The following PARD3B variants were observed in gnomAD, a reference collection of about 807,000 sequenced individuals.
PARD3B encodes the protein par-3 family cell polarity regulator beta.
PARD3B carries 103 observed loss-of-function variants against 130.2 expected under a neutral mutation model. That is an observed-to-expected ratio of 0.79 (90% CI 0.67 to 0.93). PARD3B has a LOEUF of 0.93. Ranked by LOEUF, PARD3B falls within the 40% of genes least tolerant of loss-of-function variation. The pLI is 0.00. For missense variants in PARD3B, 1,609 were observed against 1,499.2 expected, an observed-to-expected ratio of 1.07 and a Z score of -1.21; for synonymous variants, 583 against 553.2, an observed-to-expected ratio of 1.05 and a Z score of -0.76.
chr2:205,027,271 A>G (rs1697102466), intron 3 of PARD3B, among the ~76,000 whole-genome samples: 1 of 151,930 alleles, frequency 6.6e-6, no homozygotes, highest in Non-Finnish European at 1.5e-5. Flanking sequence ...GTATGAGGTG[A>G]TATCTCATTG....
rs956405001 is a variant in PARD3B, at chr2:205,187,446, G to A, written c.2024+1583G>A. Among the ~76,000 whole-genome samples, 5 of 152,194 alleles carry A rather than the reference G, an allele frequency of 3.3e-5. No individual in the cohort carries two copies. The highest frequency in any genetic ancestry group is 2.6e-4 in the Admixed American group (4 of 15,280). On this transcript the variant is annotated intron_variant, in intron 14 of 22. Transcript: ENST00000406610. The surrounding 1 kb of genome is among the most constrained non-coding windows in gnomAD (Gnocchi z 4.9). ...TGGGTTTTTTGTGTGTGTATAACAT[G>A]GATTGGGTGAATGGAAGAGGTTTGA...
intron 2 of PARD3B, among the ~76,000 whole-genome samples, chr2:204,725,072 G>A (rs1392769361): frequency 1.3e-5 from 2 of 152,150 alleles, no homozygotes; most frequent in African/African-American, 4.8e-5. Flanking sequence ...TGGAGAACAA[G>A]TTTAAAAATA....
At chr2:204,848,641 G>GTCTATCTATCTATCTA (rs112373204) in intron 2 of PARD3B, among the ~76,000 whole-genome samples, 24 of 148,452 alleles carry the variant, frequency 1.6e-4, no homozygotes, top group African/African-American at 5.5e-4. Context: ...GTGAGACTCT[G>GTCTATCTATCTATCTA]TCTATCTATC....
At chr2:204,905,608 T>C (rs539500627) in intron 2 of PARD3B, among the ~76,000 whole-genome samples, 11 of 152,090 alleles carry the variant, frequency 7.2e-5, no homozygotes, top group African/African-American at 1.2e-4. Context: ...CCCTCTTGAG[T>C]TTTTCCCTCT....
intron 2 of PARD3B, among the ~76,000 whole-genome samples, chr2:204,757,458 C>T (rs369813643): frequency 2.3e-4 from 35 of 152,172 alleles, no homozygotes; most frequent in African/African-American, 7.5e-4. Flanking sequence ...TTCTGACTAG[C>T]GTGAGATGGT....
rs2047687660 is a variant in PARD3B, at chr2:205,440,756, C to A, written c.3044+84C>A. On this transcript the variant is annotated intron_variant, in intron 20 of 22. Transcript: ENST00000406610. The surrounding 1 kb of genome is among the most constrained non-coding windows in gnomAD (Gnocchi z 4.2). Reference sequence around the variant, plus strand: ...TACTGCTGAAACCGATAAAAAATGTCTCCTTCAATCAATTAAAACTGAAAC... The same window carrying A: ...TACTGCTGAAACCGATAAAAAATGTATCCTTCAATCAATTAAAACTGAAAC... 7.3e-7 allele frequency: 1 copy of A among 1,367,684 alleles called. No individual in the cohort carries two copies. The highest frequency in any genetic ancestry group is 1.0e-6 in the Non-Finnish European group (1 of 999,204). 84.7% of individuals were successfully genotyped at this position (1,367,684 alleles called of 1,614,324 possible).
intron 19 of PARD3B, among the ~76,000 whole-genome samples, chr2:205,416,292 CT>C (rs2046772517): frequency 6.6e-6 from 1 of 152,112 alleles, no homozygotes; most frequent in African/African-American, 2.4e-5. Flanking sequence ...TTAATAGTGT[CT>C]GGTAATACCC....
At position 204,678,933 on chromosome 2, in the gene PARD3B, T is replaced by G. The variant is rs1056357214; in HGVS notation, c.121-7248T>G. ...ATAGAACATTGCCCTAGAAGCCGCTTCATGCCTCTTTCTACTCACCACCCT... is the reference window on the plus strand; with the variant it reads ...ATAGAACATTGCCCTAGAAGCCGCTGCATGCCTCTTTCTACTCACCACCCT... On this transcript the variant is annotated intron_variant, in intron 1 of 22. Transcript: ENST00000406610. The surrounding 1 kb of genome is among the most constrained non-coding windows in gnomAD (Gnocchi z 4.2). Among the ~76,000 whole-genome samples the G allele has an allele frequency of 1.3e-5, 2 of 152,178 alleles. No individual in the cohort carries two copies. The highest frequency in any genetic ancestry group is 4.8e-5 in the African/African-American group (2 of 41,444).
intron 2 of PARD3B, among the ~76,000 whole-genome samples, chr2:204,856,969 C>T (rs2044971846): frequency 6.6e-6 from 1 of 151,866 alleles, no homozygotes; most frequent in African/African-American, 2.4e-5. Flanking sequence ...TGTGTAATGC[C>T]TCCAGGTTTT....
At chr2:204,952,433 G>A (rs1166898765) in intron 2 of PARD3B, among the ~76,000 whole-genome samples, 4 of 152,122 alleles carry the variant, frequency 2.6e-5, no homozygotes, top group African/African-American at 9.7e-5. Flanking sequence ...ACTGGTTCCA[G>A]GTGAGTGCCT....
chr2:205,141,447 T>C (rs2032943722), intron 10 of PARD3B, among the ~76,000 whole-genome samples: 1 of 151,630 alleles, frequency 6.6e-6, no homozygotes, highest in South Asian at 2.1e-4. Context: ...GAAAAATTGC[T>C]TTTTTTGGTT....
Position 205,168,320 on chromosome 2 carries a change from A to AGAGAGAGAGAGTGT in PARD3B, c.1621-3890_1621-3889insAGAGAGAGAGTGTG, listed in dbSNP as rs371904121. 1.3e-3 allele frequency among the ~76,000 whole-genome samples: 155 copies of AGAGAGAGAGAGTGT among 119,742 alleles called. 1 individual carries two copies. Among genetic ancestry groups the AGAGAGAGAGAGTGT allele is most frequent in the East Asian group, 4.7e-3 (19 of 4,008 alleles). 78.6% of individuals were successfully genotyped at this position (119,742 alleles called of 152,430 possible). On this transcript the variant is annotated intron_variant, in intron 11 of 22. Transcript: ENST00000406610. ...GAGAGAGAGAGAGAGAGAGAGAGAG[A>AGAGAGAGAGAGTGT]GTGTGTGTGTGTGAATATTGCAAGC... is the stretch of plus-strand genomic sequence containing the variant.
rs370116638 is a variant in PARD3B, at chr2:205,444,825, G to A, written c.3044+4153G>A. ...ACAAAGATGTTTAGCAGATATCACA[G>A]ACATGAGGCTTTCAAATGCTTCAGA... On this transcript the variant is annotated intron_variant, in intron 20 of 22. Transcript: ENST00000406610. Among the ~76,000 whole-genome samples, 13 of 152,322 alleles carry A rather than the reference G, an allele frequency of 8.5e-5. No homozygotes were observed. In the East Asian group the frequency reaches 2.5e-3, roughly 29 times the overall value.
rs2055423647 is a variant in PARD3B at position 205,616,057 on chromosome 2, T to G, written c.*244T>G. 2.0e-6 allele frequency: 1 copy of G among 508,840 alleles called. No homozygotes were observed. Among genetic ancestry groups the G allele is most frequent in the Admixed American group, 3.7e-5 (1 of 27,054 alleles). 31.5% of individuals were successfully genotyped at this position (508,840 alleles called of 1,614,324 possible). On this transcript the variant is annotated 3_prime_UTR_variant, in exon 23 of 23. Coordinates refer to ENST00000406610, the MANE Select transcript of PARD3B (RefSeq NM_001302769.2). Reference sequence around the variant, plus strand: ...TATAAAAACAAAACTACCTGATAGTTGAAACGCTTTCAGAGTTGTTCAAAT... The same window carrying G: ...TATAAAAACAAAACTACCTGATAGTGGAAACGCTTTCAGAGTTGTTCAAAT...
intron 19 of PARD3B, among the ~76,000 whole-genome samples, chr2:205,409,952 A>G (rs2046541457): frequency 6.6e-6 from 1 of 152,218 alleles, no homozygotes; most frequent in African/African-American, 2.4e-5. Flanking sequence ...ATATAAACGT[A>G]TTAAATACAG....
Position 205,440,587 on chromosome 2 carries a change from C to T in PARD3B, c.2959C>T (p.His987Tyr). 1 of 1,614,012 alleles carries T rather than the reference C, an allele frequency of 6.2e-7. No individual in the cohort carries two copies. Among genetic ancestry groups the T allele is most frequent in the Non-Finnish European group, 8.5e-7 (1 of 1,179,918 alleles). The stretch of plus-strand genomic sequence containing the variant: ...ACCATTTGGTTACCCTCGGGATGGC[C>T]ATCCACTGTCTCCAGAAAGAGACCA... ...AGPFGYPRDGHPLSPERDHLE... is the reference protein window; with the variant it reads ...AGPFGYPRDGYPLSPERDHLE... Residue 987 changes from histidine (H) to tyrosine (Y), a missense_variant, in exon 20 of 23, where the codon CAT becomes TAT. His to Tyr is a moderately conservative substitution (Grantham distance 83). Transcript: ENST00000406610. This position sits in a 1 kb window ranked among gnomAD's most constrained non-coding sequence, Gnocchi z 4.2.
intron 1 of PARD3B, among the ~76,000 whole-genome samples, chr2:204,622,794 C>G (rs940145482): frequency 1.3e-5 from 2 of 152,110 alleles, no homozygotes; most frequent in Non-Finnish European, 2.9e-5. Flanking sequence ...AGGCTTCATC[C>G]TTATATTCAA....
chr2:204,823,652 G>C (rs1306969359), intron 2 of PARD3B, among the ~76,000 whole-genome samples: 1 of 152,038 alleles, frequency 6.6e-6, no homozygotes, highest in African/African-American at 2.4e-5. Flanking sequence ...GAACTACATT[G>C]GGGGTGGCTG....
intron 16 of PARD3B, among the ~76,000 whole-genome samples, chr2:205,296,016 A>G (rs1401560031): frequency 2.0e-5 from 3 of 152,212 alleles, no homozygotes; most frequent in Non-Finnish European, 4.4e-5. Flanking sequence ...TGTTTGTAGA[A>G]CGCATGATCA....
Sources: allele counts gnomAD v4.1 joint callset (sites outside exome capture counted in the v4.1 genomes callset), GRCh38; gene constraint gnomAD v4.1.1; non-coding constraint Gnocchi (gnomAD v3.1); transcripts MANE v1.5; gene names NCBI Gene and HGNC (gene_info 2026-07-23, HGNC 2026-07-21).